The following NEMP2 variants were observed in gnomAD, a reference collection of about 807,000 sequenced individuals.
NEMP2 encodes UPF0571 transmembrane protein.
Under a neutral mutation model 54.2 loss-of-function variants are expected in NEMP2, and 53 were observed. That is an observed-to-expected ratio of 0.98 (90% CI 0.78 to 1.23). The LOEUF (loss-of-function observed/expected upper bound fraction) is 1.23, where lower values mean the gene tolerates loss of function less well. Ranked by LOEUF, NEMP2 falls within the 50% of genes most tolerant of loss-of-function variation. The pLI is 0.00. For synonymous variants in NEMP2, 197 were observed against 190.3 expected (o/e 1.04, Z -0.29); for missense variants, 455 against 511.3 (o/e 0.89, Z 1.06).
chr2:190,475,649 T>C, the NEMP2 span, among the ~76,000 whole-genome samples: 5 of 152,208 alleles, frequency 3.3e-5, no homozygotes, highest in African/African-American at 9.7e-5. Flanking sequence ...AGGTAATTTA[T>C]AGATTCAATG....
At chr2:190,453,243 A>C in the NEMP2 span, among the ~76,000 whole-genome samples, 5 of 152,076 alleles carry the variant, frequency 3.3e-5, no homozygotes, top group Admixed American at 6.6e-5. Context: ...CCAGATGAGT[A>C]CTGGTGCCAC....
At chr2:190,518,216 A>T (rs1690631261) in intron 4 of NEMP2, among the ~76,000 whole-genome samples, 1 of 152,258 alleles carries the variant, frequency 6.6e-6, no homozygotes, top group Admixed American at 6.5e-5. Flanking sequence ...CCAAGAAGCA[A>T]AACATCAGAA....
rs945441336 is a variant in NEMP2, at chr2:190,506,386, G to A, written c.*2803C>T. Reference sequence around the variant, plus strand: ...ATAAAATTGTACATCTCTCACTCTGGGAAACAATCACACATAGCATAATGT... The same window carrying A: ...ATAAAATTGTACATCTCTCACTCTGAGAAACAATCACACATAGCATAATGT... On this transcript the variant is annotated 3_prime_UTR_variant, in exon 9 of 9. Transcript: ENST00000409150. The surrounding 1 kb of genome is among the most constrained non-coding windows in gnomAD (Gnocchi z 6.3). The A allele has an allele frequency of 2.0e-5, 3 of 152,046 alleles. No individual in the cohort carries two copies. Among genetic ancestry groups the A allele is most frequent in the Admixed American group, 6.6e-5 (1 of 15,264 alleles). 9.4% of individuals were successfully genotyped at this position (152,046 alleles called of 1,614,324 possible). A position where few individuals can be genotyped will look rare whatever the true frequency, so the allele number is the denominator to read the frequency against.
chr2:190,599,819 G>A, the NEMP2 span, among the ~76,000 whole-genome samples: 1 of 152,078 alleles, frequency 6.6e-6, no homozygotes, highest in African/African-American at 2.4e-5. Context: ...CTGTCCCTTA[G>A]GCAAGTCATC....
the NEMP2 span, among the ~76,000 whole-genome samples, chr2:190,575,447 G>C: frequency 6.6e-6 from 1 of 151,608 alleles, no homozygotes; most frequent in South Asian, 2.1e-4. Context: ...TAGCCAGTTT[G>C]TGGCATTTTA....
At chr2:190,489,948 G>A in the NEMP2 span, 5 of 1,213,850 alleles carry the variant, frequency 4.1e-6, no homozygotes, top group Non-Finnish European at 5.8e-6. The surrounding 1 kb of genome is among the most constrained non-coding windows in gnomAD (Gnocchi z 6.6). Context: ...GCCTAGAAGT[G>A]GTACAGAGTA....
chr2:190,634,034 T>C, the NEMP2 span, among the ~76,000 whole-genome samples: 1 of 152,156 alleles, frequency 6.6e-6, no homozygotes, highest in Non-Finnish European at 1.5e-5. This position sits in a 1 kb window ranked among gnomAD's most constrained non-coding sequence, Gnocchi z 6.8. Flanking sequence ...ATTGTGCCAC[T>C]TCACTCCAGC....
chr2:190,594,522 C>G, the NEMP2 span, among the ~76,000 whole-genome samples: 2,745 of 152,246 alleles, frequency 0.018, 88 homozygotes, highest in African/African-American at 0.062. The surrounding 1 kb of genome is among the most constrained non-coding windows in gnomAD (Gnocchi z 5.6). Context: ...TATCTAACAG[C>G]CATTAGCACA....
At position 190,530,022 on chromosome 2, in the gene NEMP2, G is replaced by T. The variant is rs1010327536; in HGVS notation, c.97+4537C>A. Reference sequence around the variant, plus strand: ...TCATCTTCTTGCCCCTCACTGGATAGAGGAGGTCAGAAAGAATAGGTGGCA... The same window carrying T: ...TCATCTTCTTGCCCCTCACTGGATATAGGAGGTCAGAAAGAATAGGTGGCA... On this transcript the variant is annotated intron_variant, in intron 1 of 8. Transcript: ENST00000409150. The surrounding 1 kb of genome is among the most constrained non-coding windows in gnomAD (Gnocchi z 4.6). Among the ~76,000 whole-genome samples, 34 of 152,210 alleles carry T rather than the reference G, an allele frequency of 2.2e-4. No homozygotes were observed. The highest frequency in any genetic ancestry group is 3.2e-3 in the Middle Eastern group (1 of 316).
chr2:190,639,162 A>G, the NEMP2 span, among the ~76,000 whole-genome samples: 1 of 152,162 alleles, frequency 6.6e-6, no homozygotes, highest in East Asian at 1.9e-4. Flanking sequence ...TATAAAATCA[A>G]TATTAACACA....
the NEMP2 span, among the ~76,000 whole-genome samples, chr2:190,457,412 C>T: frequency 6.6e-6 from 1 of 152,142 alleles, no homozygotes; most frequent in East Asian, 1.9e-4. The surrounding 1 kb of genome is among the most constrained non-coding windows in gnomAD (Gnocchi z 5.1). Flanking sequence ...CCTGTTGGCC[C>T]CCTACCCCCA....
chr2:190,475,590 T>C, the NEMP2 span, among the ~76,000 whole-genome samples: 2 of 152,200 alleles, frequency 1.3e-5, no homozygotes, highest in East Asian at 3.8e-4. Context: ...GAACATTCCA[T>C]GCTCATGGAT....
At chr2:190,450,564 C>T in the NEMP2 span, among the ~76,000 whole-genome samples, 1 of 133,718 alleles carries the variant, frequency 7.5e-6, no homozygotes, top group Non-Finnish European at 1.5e-5. Context: ...GCAATCTCAG[C>T]TCACTGCAGC....
In NEMP2 at chr2:190,509,314, TAAC is replaced by T. The variant is rs1381467815; in HGVS notation, c.1131-5_1131-3del. The T allele has an allele frequency of 6.4e-7, 1 of 1,551,434 alleles. No homozygotes were observed. The highest frequency in any genetic ancestry group is 2.4e-5 in the East Asian group (1 of 40,934). ...CCTCCAAGAACAAAGTCTGCAAATC[TAAC>T]AAGTTTTTTGTTTTAAATAAAGTTA... On this transcript the variant is annotated splice_region_variant and splice_polypyrimidine_tract_variant and intron_variant, in intron 8 of 8. Coordinates refer to ENST00000409150, the MANE Select transcript of NEMP2 (RefSeq NM_001142645.2). The surrounding 1 kb of genome is among the most constrained non-coding windows in gnomAD (Gnocchi z 6.1).
At chr2:190,452,257 A>AAAC in the NEMP2 span, among the ~76,000 whole-genome samples, 12 of 152,282 alleles carry the variant, frequency 7.9e-5, no homozygotes, top group East Asian at 1.4e-3. Flanking sequence ...TCCATCTCAA[A>AAAC]AACAACAACA....
At position 190,508,102 on chromosome 2, in the gene NEMP2, C is replaced by T. The variant is rs1690237743; in HGVS notation, c.*1087G>A. ...ATTTTATAAGAAATTGTTACAAACA[C>T]CTATAGCTAAACAATTTTTTAAATG... On this transcript the variant is annotated 3_prime_UTR_variant, in exon 9 of 9. Coordinates refer to ENST00000409150, the MANE Select transcript of NEMP2 (RefSeq NM_001142645.2). The surrounding 1 kb of genome is among the most constrained non-coding windows in gnomAD (Gnocchi z 4.3). The T allele has an allele frequency of 6.6e-6, 1 of 152,072 alleles. No individual in the cohort carries two copies. Among genetic ancestry groups the T allele is most frequent in the Non-Finnish European group, 1.5e-5 (1 of 68,026 alleles). 9.4% of individuals were successfully genotyped at this position (152,072 alleles called of 1,614,324 possible). A position where few individuals can be genotyped will look rare whatever the true frequency, so the allele number is the denominator to read the frequency against.
the NEMP2 span, among the ~76,000 whole-genome samples, chr2:190,457,394 C>A: frequency 6.6e-6 from 1 of 152,308 alleles, no homozygotes; most frequent in East Asian, 1.9e-4. This position sits in a 1 kb window ranked among gnomAD's most constrained non-coding sequence, Gnocchi z 5.1. Context: ...TAGCAGACCC[C>A]ACTTCTTCCT....
the NEMP2 span, among the ~76,000 whole-genome samples, chr2:190,584,018 G>A: frequency 2.0e-5 from 3 of 152,150 alleles, no homozygotes; most frequent in South Asian, 2.1e-4. The surrounding 1 kb of genome is among the most constrained non-coding windows in gnomAD (Gnocchi z 4.2). Flanking sequence ...CAGCCTCTCT[G>A]GGTTCAGGAG....
chr2:190,620,728 T>C, the NEMP2 span, among the ~76,000 whole-genome samples: 7,828 of 152,292 alleles, frequency 0.051, 714 homozygotes, highest in African/African-American at 0.18. This position sits in a 1 kb window ranked among gnomAD's most constrained non-coding sequence, Gnocchi z 4.9. Flanking sequence ...CCACTCTTGT[T>C]ACTTTTATTC....
Sources: allele counts gnomAD v4.1 joint callset (sites outside exome capture counted in the v4.1 genomes callset), GRCh38; gene constraint gnomAD v4.1.1; non-coding constraint Gnocchi (gnomAD v3.1); transcripts MANE v1.5; gene names NCBI Gene and HGNC (gene_info 2026-07-23, HGNC 2026-07-21).